DMXL2: variants seen among roughly 807,000 people sequenced by gnomAD.
DMXL2 encodes dmX-like protein 2.
DMXL2 carries 103 observed loss-of-function variants against 331.1 expected under a neutral mutation model. The ratio of observed to expected loss-of-function variants is 0.31; its 90% confidence interval spans 0.27 to 0.37. The LOEUF (loss-of-function observed/expected upper bound fraction) is 0.37, where lower values mean the gene tolerates loss of function less well. DMXL2 is among the 10% of genes least tolerant of loss of function. The pLI, the probability that DMXL2 is intolerant of heterozygous loss-of-function variation, is 1.00. For synonymous variants in DMXL2, 1,281 were observed against 1,252.1 expected, an observed-to-expected ratio of 1.02 and a Z score of -0.49; for missense variants, 3,171 against 3,642.9, an observed-to-expected ratio of 0.87 and a Z score of 3.33.
At chr15:51,621,116 A>C (rs187705652) in intron 1 of DMXL2, among the ~76,000 whole-genome samples, 49 of 152,296 alleles carry the variant, frequency 3.2e-4, no homozygotes, top group African/African-American at 1.1e-3. Context: ...GATTCTCCAC[A>C]CACTTGAAGA....
At chr15:51,587,372 T>C (rs1262496166) in intron 1 of DMXL2, among the ~76,000 whole-genome samples, 3 of 151,610 alleles carry the variant, frequency 2.0e-5, no homozygotes, top group East Asian at 1.9e-4. Flanking sequence ...CCTGTGTCCA[T>C]GTGTTGTCAT....
At chr15:51,599,849 G>A (rs1462547253) in intron 1 of DMXL2, among the ~76,000 whole-genome samples, 8 of 152,106 alleles carry the variant, frequency 5.3e-5, no homozygotes, top group Admixed American at 5.2e-4. Flanking sequence ...ACAGGCACGT[G>A]CCAACATGCC....
At chr15:51,519,497 ATTACT>A (rs1422050196) in intron 13 of DMXL2, among the ~76,000 whole-genome samples, 5 of 152,060 alleles carry the variant, frequency 3.3e-5, no homozygotes, top group Admixed American at 6.6e-5. Context: ...AAACTCACAT[ATTACT>A]TTAAGTTTAA....
rs200576623 is a variant in DMXL2, at chr15:51,470,776, CCT to C, written c.7392+445_7392+446del. Among the ~76,000 whole-genome samples, 1,451 of 152,218 alleles carry C rather than the reference CCT, an allele frequency of 9.5e-3. 19 individuals are homozygous for C. The highest frequency in any genetic ancestry group is 0.034 in the African/African-American group (1,395 of 41,516). ...CTAGTCACCATGAGTATTCTGATCC[CCT>C]GAGAAGTTTCCTTTGCGCTGGGAAA... On this transcript the variant is annotated intron_variant, in intron 29 of 43. Coordinates refer to ENST00000560891, the MANE Select transcript of DMXL2 (RefSeq NM_001378457.1).
At chr15:51,570,016 A>C (rs1019574181) in intron 2 of DMXL2, among the ~76,000 whole-genome samples, 6 of 152,182 alleles carry the variant, frequency 3.9e-5, no homozygotes, top group Non-Finnish European at 8.8e-5. Flanking sequence ...GCATGTTCTA[A>C]CCCAGTGCAA....
intron 29 of DMXL2, among the ~76,000 whole-genome samples, chr15:51,468,314 A>G (rs2140291030): frequency 6.6e-6 from 1 of 152,354 alleles, no homozygotes; most frequent in Non-Finnish European, 1.5e-5. Flanking sequence ...GAATAAAACT[A>G]GAAAGCAGGC....
chr15:51,524,531 C>T (rs1793051244), intron 13 of DMXL2, among the ~76,000 whole-genome samples: 1 of 152,182 alleles, frequency 6.6e-6, no homozygotes, highest in Non-Finnish European at 1.5e-5. Flanking sequence ...CTTGAATCAC[C>T]AACACCACTC....
intron 20 of DMXL2, among the ~76,000 whole-genome samples, chr15:51,488,966 A>G (rs1392759641): frequency 6.6e-6 from 1 of 152,216 alleles, no homozygotes; most frequent in Non-Finnish European, 1.5e-5. Flanking sequence ...CATTATTCCC[A>G]TTTTATAGAT....
intron 6 of DMXL2, among the ~76,000 whole-genome samples, chr15:51,560,504 C>CAAAAAA: frequency 2.4e-5 from 1 of 41,522 alleles, no homozygotes; most frequent in Non-Finnish European, 4.3e-5. Flanking sequence ...TTATTTCTAC[C>CAAAAAA]AAAAAAAAAA....
Position 51,466,320 on chromosome 15 carries a change from A to G in DMXL2, c.7393-9T>C. 7.7e-7 allele frequency: 1 copy of G among 1,299,370 alleles called. No homozygotes were observed. Among genetic ancestry groups the G allele is most frequent in the Non-Finnish European group, 1.0e-6 (1 of 985,998 alleles). The allele number at this position is 1,299,370 out of a possible 1,614,324, so 80.5% of individuals were successfully genotyped here. On this transcript the variant is annotated splice_polypyrimidine_tract_variant and intron_variant, in intron 29 of 43. Coordinates refer to ENST00000560891, the MANE Select transcript of DMXL2 (RefSeq NM_001378457.1). ...GACAAAGGAAGAAATGGCTGCAATA[A>G]AAGGTAAAATTATTTTTTTAAAGAT...
intron 28 of DMXL2, among the ~76,000 whole-genome samples, chr15:51,472,687 TATGC>T (rs1443170919): frequency 6.6e-6 from 1 of 152,212 alleles, no homozygotes; most frequent in Non-Finnish European, 1.5e-5. Flanking sequence ...CAGATTATAG[TATGC>T]ATTAGTACTT....
At chr15:51,459,890 G>A in intron 33 of DMXL2, 1 of 1,125,344 alleles carries the variant, frequency 8.9e-7, no homozygotes, top group African/African-American at 1.6e-5. Flanking sequence ...GAACATAAAA[G>A]CTATTTCAAA....
At chr15:51,561,125 A>C (rs899603384) in intron 6 of DMXL2, among the ~76,000 whole-genome samples, 2 of 152,208 alleles carry the variant, frequency 1.3e-5, no homozygotes, top group African/African-American at 4.8e-5. Flanking sequence ...ACAACAGTAA[A>C]GGGGGAAGAT....
At chr15:51,592,906 T>A (rs1340870681) in intron 1 of DMXL2, among the ~76,000 whole-genome samples, 1 of 152,144 alleles carries the variant, frequency 6.6e-6, no homozygotes, top group African/African-American at 2.4e-5. Flanking sequence ...AAAGAGCTCC[T>A]GAAGGAAGCA....
intron 36 of DMXL2, 124 bp downstream of exon 36, chr15:51,458,382 T>C: frequency 9.6e-7 from 1 of 1,039,420 alleles, no homozygotes; most frequent in Non-Finnish European, 1.4e-6. Flanking sequence ...ACCAATTATA[T>C]TTGTCACCTA....
chr15:51,552,763 G>A (rs1459656713), intron 6 of DMXL2, among the ~76,000 whole-genome samples: 1 of 152,110 alleles, frequency 6.6e-6, no homozygotes, highest in Non-Finnish European at 1.5e-5. Flanking sequence ...GTTCTCCCTA[G>A]TTAATTTCAT....
At chr15:51,580,754 T>C (rs189551263) in intron 1 of DMXL2, among the ~76,000 whole-genome samples, 1 of 151,472 alleles carries the variant, frequency 6.6e-6, no homozygotes, top group East Asian at 1.9e-4. Context: ...CTGATATTAG[T>C]AATTCACAGC....
chr15:51,482,498 T>A (rs776614604), intron 23 of DMXL2, among the ~76,000 whole-genome samples: 1 of 152,132 alleles, frequency 6.6e-6, no homozygotes, highest in Non-Finnish European at 1.5e-5. Flanking sequence ...GGAAAAAAAA[T>A]TTCCTAATTC....
chr15:51,468,659 C>T (rs1185068989), intron 29 of DMXL2, among the ~76,000 whole-genome samples: 1 of 152,072 alleles, frequency 6.6e-6, no homozygotes, highest in East Asian at 1.9e-4. Context: ...CCAGCAAATA[C>T]ATGAAAAATG....
Sources: gnomAD v4.1 joint callset for allele counts (sites outside exome capture counted in the v4.1 genomes callset) on GRCh38, gnomAD v4.1.1 for gene constraint, MANE v1.5 for transcripts, NCBI Gene and HGNC (gene_info 2026-07-23, HGNC 2026-07-21) for gene names.